The following SPAG16 variants were observed in gnomAD, a reference collection of about 807,000 sequenced individuals.
SPAG16 encodes sperm-associated antigen 16 protein.
Under a neutral mutation model 80.4 loss-of-function variants are expected in SPAG16, and 86 were observed. The observed-to-expected ratio is 1.07, with a 90% CI of 0.90 to 1.28. The LOEUF is 1.28. Among genes scored for constraint, SPAG16 ranks in the 50% most tolerant of loss-of-function variants. SPAG16 has a pLI of 0.00. For missense variants in SPAG16, 870 were observed against 765.3 expected (o/e 1.14, Z -1.61); for synonymous variants, 294 against 265.9 (o/e 1.11, Z -1.03).
intron 11 of SPAG16, among the ~76,000 whole-genome samples, chr2:213,907,535 A>T (rs1454123722): frequency 2.6e-5 from 4 of 152,118 alleles, no homozygotes; most frequent in Non-Finnish European, 5.9e-5. Flanking sequence ...ACTACTGGTT[A>T]TTTATTCAAA....
chr2:214,082,604 T>C (rs2051455898), intron 13 of SPAG16, among the ~76,000 whole-genome samples: 1 of 152,218 alleles, frequency 6.6e-6, no homozygotes, highest in East Asian at 1.9e-4. Context: ...TTTTCATCAT[T>C]GCCAGATACA....
At chr2:213,387,429 C>CTTTTTTTTTTTTTTTT (rs1491308938) in intron 9 of SPAG16, among the ~76,000 whole-genome samples, 7 of 71,776 alleles carry the variant, frequency 9.8e-5, no homozygotes, top group Non-Finnish European at 1.2e-4. Context: ...GAAATGCATG[C>CTTTTTTTTTTTTTTTT]TCTTTTTTTT....
chr2:213,879,976 C>G (rs892543414), intron 11 of SPAG16, among the ~76,000 whole-genome samples: 2 of 152,078 alleles, frequency 1.3e-5, no homozygotes, highest in African/African-American at 4.8e-5. Flanking sequence ...GTATAATGAT[C>G]TCTTTTCCTT....
intron 13 of SPAG16, among the ~76,000 whole-genome samples, chr2:214,085,389 A>C (rs2051662643): frequency 6.6e-6 from 1 of 151,032 alleles, no homozygotes; most frequent in African/African-American, 2.4e-5. Flanking sequence ...AAAAAAAAAA[A>C]AAAAGAAAGA....
intron 1 of SPAG16, among the ~76,000 whole-genome samples, chr2:213,288,819 T>C (rs1167325520): frequency 6.6e-6 from 1 of 152,208 alleles, no homozygotes; most frequent in African/African-American, 2.4e-5. Context: ...GTATTATAAT[T>C]GTTCTGAACC....
intron 10 of SPAG16, among the ~76,000 whole-genome samples, chr2:213,703,146 C>T (rs2065571464): frequency 6.6e-6 from 1 of 152,162 alleles, no homozygotes; most frequent in Non-Finnish European, 1.5e-5. Context: ...CAAAAGATGA[C>T]ATGACAGAGC....
At position 213,415,736 on chromosome 2, in the gene SPAG16, C is replaced by T. The variant is rs78150037; in HGVS notation, c.942+40617C>T. On this transcript the variant is annotated intron_variant, in intron 9 of 15. Transcript: ENST00000331683. ...GAGGATATTATTAATTGGTTTATGA[C>T]GTGAGGGAATTTGGATGTCTTTGGG... Among the ~76,000 whole-genome samples the T allele has an allele frequency of 8.8e-3, 1,342 of 152,172 alleles. 20 individuals are homozygous for T. Among genetic ancestry groups the T allele is most frequent in the African/African-American group, 0.03 (1,251 of 41,516 alleles).
chr2:214,315,034 G>C (rs576052735), intron 15 of SPAG16, among the ~76,000 whole-genome samples: 1 of 151,998 alleles, frequency 6.6e-6, no homozygotes, highest in East Asian at 1.9e-4. Flanking sequence ...ATGCTTCTGA[G>C]CCCATCACAT....
At chr2:213,340,123 G>C (rs1213533662) in intron 5 of SPAG16, 40 bp from the exon 6 acceptor site, 2 of 1,383,378 alleles carry the variant, frequency 1.4e-6, no homozygotes, top group Admixed American at 1.9e-5. Context: ...TTTCGAAAAA[G>C]AATTAGCAGT....
chr2:213,919,447 C>T (rs1455478212), intron 11 of SPAG16, among the ~76,000 whole-genome samples: 1 of 152,186 alleles, frequency 6.6e-6, no homozygotes, highest in African/African-American at 2.4e-5. Context: ...CCTGTTAACA[C>T]TGCCTTAGCT....
chr2:213,494,362 A>G lies in SPAG16; in HGVS notation c.1070+4272A>G, dbSNP rs75311915. 1.1e-3 allele frequency among the ~76,000 whole-genome samples: 170 copies of G among 152,272 alleles called. 4 individuals are homozygous for G. The East Asian group carries it at 0.031, about 27-fold the overall frequency. ...AAAAAATAACTTTGGTTTTCCCCCA[A>G]AAGACCTAATCTTCTCCTTATCTCC... is the stretch of plus-strand genomic sequence containing the variant. On this transcript the variant is annotated intron_variant, in intron 10 of 15. Coordinates refer to ENST00000331683, the MANE Select transcript of SPAG16 (RefSeq NM_024532.5).
chr2:213,823,997 T>A (rs2073115070), intron 10 of SPAG16, among the ~76,000 whole-genome samples: 1 of 152,228 alleles, frequency 6.6e-6, no homozygotes, highest in African/African-American at 2.4e-5. Flanking sequence ...CATGCCTATG[T>A]CCTGAATGGT....
intron 11 of SPAG16, among the ~76,000 whole-genome samples, chr2:213,920,201 A>G (rs866873186): frequency 3.9e-5 from 6 of 152,080 alleles, no homozygotes; most frequent in Non-Finnish European, 8.8e-5. Context: ...AGGTCTCTTG[A>G]AGACAGCATA....
At chr2:213,340,122 A>G in intron 5 of SPAG16, 41 bp from the exon 6 acceptor site, 1 of 1,367,202 alleles carries the variant, frequency 7.3e-7, no homozygotes. Context: ...TTTTCGAAAA[A>G]GAATTAGCAG....
intron 10 of SPAG16, among the ~76,000 whole-genome samples, chr2:213,748,047 C>T (rs2067912074): frequency 6.6e-6 from 1 of 152,156 alleles, no homozygotes; most frequent in South Asian, 2.1e-4. Flanking sequence ...AAGTTATTGA[C>T]TTAATCCTTT....
intron 9 of SPAG16, among the ~76,000 whole-genome samples, chr2:213,450,749 A>G (rs534307653): frequency 5.1e-4 from 78 of 152,292 alleles, no homozygotes; most frequent in South Asian, 1.0e-3. Context: ...CATTAAATAC[A>G]ATTTATGTAT....
At chr2:214,377,503 C>A (rs1316097329) in intron 15 of SPAG16, among the ~76,000 whole-genome samples, 1 of 152,138 alleles carries the variant, frequency 6.6e-6, no homozygotes. Context: ...GGTATTTTCT[C>A]TTTCGTATTA....
At chr2:213,369,229 GT>G (rs1478143473) in intron 8 of SPAG16, among the ~76,000 whole-genome samples, 9 of 152,052 alleles carry the variant, frequency 5.9e-5, no homozygotes, top group African/African-American at 2.2e-4. Flanking sequence ...AGTTTCTTTG[GT>G]CAAAAAAGTA....
chr2:213,608,133 G>A (rs1275944208), intron 10 of SPAG16, among the ~76,000 whole-genome samples: 2 of 152,184 alleles, frequency 1.3e-5, no homozygotes, highest in South Asian at 2.1e-4. Context: ...GAGCAGGGAG[G>A]TGGTGTTCAC....
Sources: allele counts gnomAD v4.1 joint callset (sites outside exome capture counted in the v4.1 genomes callset), GRCh38; gene constraint gnomAD v4.1.1; transcripts MANE v1.5; gene names NCBI Gene and HGNC (gene_info 2026-07-23, HGNC 2026-07-21).